DHRS7C: variants seen among roughly 807,000 people sequenced by gnomAD.
DHRS7C encodes the protein dehydrogenase/reductase SDR family member 7C.
Under a neutral mutation model 29.6 loss-of-function variants are expected in DHRS7C, and 28 were observed. The observed-to-expected ratio is 0.95, with a 90% CI of 0.70 to 1.30. The LOEUF is 1.30. DHRS7C is among the 50% of genes most tolerant of loss of function. The probability of loss-of-function intolerance (pLI) is 0.00; values close to 1 mark genes in which losing one functional copy is unlikely to be tolerated. For missense variants in DHRS7C, 403 were observed against 393.3 expected, an observed-to-expected ratio of 1.02 and a Z score of -0.21; for synonymous variants, 158 against 160.2, an observed-to-expected ratio of 0.99 and a Z score of 0.10.
intron 1 of DHRS7C, among the ~76,000 whole-genome samples, chr17:9,787,898 CG>C (rs199921800): frequency 6.6e-6 from 1 of 151,956 alleles, no homozygotes; most frequent in Non-Finnish European, 1.5e-5. Context: ...TGTAGATATG[CG>C]GGGGTCTTAC....
intron 5 of DHRS7C, 85 bp from the exon 6 acceptor site, chr17:9,771,781 G>A: frequency 7.9e-7 from 1 of 1,259,082 alleles, no homozygotes; most frequent in Non-Finnish European, 1.0e-6. Flanking sequence ...AAAGGCTGAG[G>A]GGCGGGAAGC....
Position 9,774,088 on chromosome 17 carries a change from CA to C in DHRS7C, c.572-1167del, listed in dbSNP as rs796949630. Reference sequence around the variant, plus strand: ...ATTACACAGCCAATACAAGTGTTACCAAAAAAAGGTCTACCAGCTTGTTTTT... The same window carrying C: ...ATTACACAGCCAATACAAGTGTTACCAAAAAAGGTCTACCAGCTTGTTTTT... On this transcript the variant is annotated intron_variant, in intron 4 of 5. Coordinates refer to ENST00000571134, the MANE Select transcript of DHRS7C (RefSeq NM_001105571.3). This position sits in a 1 kb window ranked among gnomAD's most constrained non-coding sequence, Gnocchi z 5.0. 6.6e-6 allele frequency among the ~76,000 whole-genome samples: 1 copy of C among 151,892 alleles called. No homozygotes were observed. The highest frequency in any genetic ancestry group is 6.6e-5 in the Admixed American group (1 of 15,266).
At chr17:9,779,435 G>A (rs867503116) in intron 3 of DHRS7C, among the ~76,000 whole-genome samples, 49 of 152,146 alleles carry the variant, frequency 3.2e-4, no homozygotes, top group Admixed American at 2.0e-4. Context: ...CAACTGTAAT[G>A]GTTAGAAGCA....
intron 1 of DHRS7C, among the ~76,000 whole-genome samples, chr17:9,789,271 C>T (rs1322316650): frequency 6.6e-6 from 1 of 152,148 alleles, no homozygotes; most frequent in African/African-American, 2.4e-5. Context: ...TAAGACAAAC[C>T]TCAGCACATT....
At chr17:9,776,328 G>C (rs1597924268) in intron 4 of DHRS7C, among the ~76,000 whole-genome samples, 2 of 152,174 alleles carry the variant, frequency 1.3e-5, no homozygotes. Context: ...CAGGGAGAAG[G>C]GTCCCAGAGG....
At chr17:9,771,748 T>C (rs1372734179) in intron 5 of DHRS7C, 52 bp from the exon 6 acceptor site, 1 of 1,349,756 alleles carries the variant, frequency 7.4e-7, no homozygotes, top group African/African-American at 1.5e-5. Flanking sequence ...GGGACCCGGC[T>C]GGTCAGAGCC....
chr17:9,771,584 C>G lies in DHRS7C; in HGVS notation c.840G>C (p.Lys280Asn). Residue 280 changes from lysine (K) to asparagine (N), a missense_variant, in exon 6 of 6, where the codon AAG becomes AAC. Transcript: ENST00000571134. The stretch of plus-strand genomic sequence containing the variant: ...AGAAGGTGCGGACGTACACGGCGGC[C>G]TTGGGGATGGGGTTGGCCATAAACA... ...QEVFMANPIP[K>N]AAVYVRTFFP... is the part of the protein sequence containing the mutation. The G allele has an allele frequency of 6.3e-7, 1 of 1,595,890 alleles. No homozygotes were observed. Among genetic ancestry groups the G allele is most frequent in the Non-Finnish European group, 8.5e-7 (1 of 1,170,296 alleles).
At position 9,775,262 on chromosome 17, in the gene DHRS7C, G is replaced by A. The variant is rs993419698; in HGVS notation, c.571+1931C>T. On this transcript the variant is annotated intron_variant, in intron 4 of 5. Transcript: ENST00000571134. This position sits in a 1 kb window ranked among gnomAD's most constrained non-coding sequence, Gnocchi z 4.2. Reference sequence around the variant, plus strand: ...AGTGGGGAGATTCCTAAGTGGACTGGGGAAGAGAGGAAAAGGCAGGATGTG... The same window carrying A: ...AGTGGGGAGATTCCTAAGTGGACTGAGGAAGAGAGGAAAAGGCAGGATGTG... 3.3e-5 allele frequency among the ~76,000 whole-genome samples: 5 copies of A among 152,222 alleles called. No individual in the cohort carries two copies. Among genetic ancestry groups the A allele is most frequent in the Non-Finnish European group, 5.9e-5 (4 of 68,050 alleles).
chr17:9,782,545 T>TA (rs2066398840), intron 1 of DHRS7C, among the ~76,000 whole-genome samples: 1 of 148,322 alleles, frequency 6.7e-6, no homozygotes, highest in African/African-American at 2.4e-5. Context: ...CAGTCACTGA[T>TA]GGGGCTGCCC....
At position 9,772,852 on chromosome 17, in the gene DHRS7C, A is replaced by C. The variant is rs2066339066; in HGVS notation, c.642T>G (p.Val214=). 6.2e-7 allele frequency: 1 copy of C among 1,613,976 alleles called. No homozygotes were observed. The highest frequency in any genetic ancestry group is 2.2e-5 in the East Asian group (1 of 44,866). ...AAGTCGGGCTCACGGTGCTGATGAC[A>C]ACATCGTATTCCTCCACTTCGGCTC... ...CLRAEVEEYD[V]VISTVSPTFI... Residue 214 remains valine, a synonymous_variant, in exon 5 of 6, where the codon GTT becomes GTG. Coordinates refer to ENST00000571134, the MANE Select transcript of DHRS7C (RefSeq NM_001105571.3).
chr17:9,788,762 G>C (rs2066438483), intron 1 of DHRS7C, among the ~76,000 whole-genome samples: 1 of 152,342 alleles, frequency 6.6e-6, no homozygotes, highest in South Asian at 2.1e-4. Flanking sequence ...CTGGACTTAA[G>C]ACATGCAGCA....
At chr17:9,776,514 C>T (rs149457207) in intron 4 of DHRS7C, among the ~76,000 whole-genome samples, 3 of 152,256 alleles carry the variant, frequency 2.0e-5, no homozygotes, top group Non-Finnish European at 2.9e-5. Context: ...ACCCATCAAA[C>T]ATTTACTGAG....
chr17:9,786,003 G>A (rs957675811), intron 1 of DHRS7C, among the ~76,000 whole-genome samples: 4 of 151,986 alleles, frequency 2.6e-5, no homozygotes, highest in African/African-American at 4.8e-5. Context: ...GGGACCCACC[G>A]TGACGGAAGG....
chr17:9,778,003 A>T (rs186007148), intron 3 of DHRS7C, among the ~76,000 whole-genome samples: 1 of 152,186 alleles, frequency 6.6e-6, no homozygotes. Context: ...TAATAATAGT[A>T]TAGGCGGAAT....
chr17:9,790,817 G>A (rs1352569563), intron 1 of DHRS7C, among the ~76,000 whole-genome samples: 1 of 152,176 alleles, frequency 6.6e-6, no homozygotes. Context: ...CATTGCCCCA[G>A]CTAAAGGCTT....
In DHRS7C at chr17:9,772,938, T is replaced by C. The variant is rs767589534; in HGVS notation, c.572-16A>G. The C allele has an allele frequency of 4.3e-6, 7 of 1,612,280 alleles. No individual in the cohort carries two copies. In the East Asian group the frequency reaches 1.6e-4, roughly 36 times the overall value. On this transcript the variant is annotated splice_polypyrimidine_tract_variant and intron_variant, in intron 4 of 5. Coordinates refer to ENST00000571134, the MANE Select transcript of DHRS7C (RefSeq NM_001105571.3). ...GAGGCAGCGTCTGCGAGACAAACCA[T>C]CCGGAGGTGGGCGCAGGACACTCCC...
Position 9,774,041 on chromosome 17 carries a change from G to A in DHRS7C, c.572-1119C>T, listed in dbSNP as rs192026514. On this transcript the variant is annotated intron_variant, in intron 4 of 5. Coordinates refer to ENST00000571134, the MANE Select transcript of DHRS7C (RefSeq NM_001105571.3). The surrounding 1 kb of genome is among the most constrained non-coding windows in gnomAD (Gnocchi z 5.0). ...CCCAGCAAAACCATGCACTTTAAAC[G>A]GATACATTGTGCGGTATGTGAATTA... 2.0e-5 allele frequency among the ~76,000 whole-genome samples: 3 copies of A among 152,228 alleles called. No individual in the cohort carries two copies. Among genetic ancestry groups the A allele is most frequent in the Admixed American group, 6.5e-5 (1 of 15,294 alleles).
At chr17:9,781,451 G>C in intron 2 of DHRS7C, 31 bp downstream of exon 2, 1 of 1,605,626 alleles carries the variant, frequency 6.2e-7, no homozygotes, top group Non-Finnish European at 8.5e-7. Flanking sequence ...GTTCCCAGGA[G>C]TTACCCACGC....
At chr17:9,777,067 A>T in intron 4 of DHRS7C, 126 bp downstream of exon 4, 1 of 741,350 alleles carries the variant, frequency 1.3e-6, no homozygotes, top group Non-Finnish European at 2.1e-6. Context: ...AAGAAAATCC[A>T]GCAGATGGTG....
Sources: allele counts gnomAD v4.1 joint callset (sites outside exome capture counted in the v4.1 genomes callset), GRCh38; gene constraint gnomAD v4.1.1; non-coding constraint Gnocchi (gnomAD v3.1); transcripts MANE v1.5; gene names NCBI Gene and HGNC (gene_info 2026-07-23, HGNC 2026-07-21).